The following LRRTM4 variants were observed in gnomAD, a reference collection of about 807,000 sequenced individuals.
LRRTM4 encodes the protein leucine-rich repeat transmembrane neuronal protein 4.
LRRTM4 carries 25 observed loss-of-function variants against 47.6 expected under a neutral mutation model. The observed-to-expected ratio is 0.53, with a 90% CI of 0.38 to 0.73. The LOEUF is 0.73. LRRTM4 is among the 30% of genes least tolerant of loss of function. LRRTM4 has a pLI of 0.00. For synonymous variants in LRRTM4, 311 were observed against 269.5 expected, an observed-to-expected ratio of 1.15 and a Z score of -1.51; for missense variants, 638 against 713.4, an observed-to-expected ratio of 0.89 and a Z score of 1.20.
At chr2:77,449,012 C>G (rs1210818340) in intron 3 of LRRTM4, among the ~76,000 whole-genome samples, 4 of 152,032 alleles carry the variant, frequency 2.6e-5, no homozygotes, top group East Asian at 1.9e-4. Flanking sequence ...CCTTTTGTGT[C>G]TATGTGACAT....
intron 3 of LRRTM4, among the ~76,000 whole-genome samples, chr2:77,386,047 A>G (rs1450193121): frequency 6.6e-6 from 1 of 152,016 alleles, no homozygotes; most frequent in South Asian, 2.1e-4. Context: ...ATGAGCCACC[A>G]TGCCCAGCCA....
intron 3 of LRRTM4, among the ~76,000 whole-genome samples, chr2:77,135,371 A>T (rs985137552): frequency 3.9e-5 from 6 of 152,208 alleles, no homozygotes; most frequent in South Asian, 2.1e-4. Context: ...TGTTTTCATC[A>T]TAACCAGGGT....
intron 3 of LRRTM4, among the ~76,000 whole-genome samples, chr2:76,761,922 C>T (rs181064599): frequency 8.2e-4 from 125 of 152,288 alleles, no homozygotes; most frequent in African/African-American, 2.7e-3. Context: ...TCCTCTGACA[C>T]TGGAAATAAT....
At chr2:77,350,569 G>A (rs1671729924) in intron 3 of LRRTM4, among the ~76,000 whole-genome samples, 1 of 151,892 alleles carries the variant, frequency 6.6e-6, no homozygotes, top group South Asian at 2.1e-4. Flanking sequence ...ATATATTTGA[G>A]TATAAAACTA....
intron 3 of LRRTM4, among the ~76,000 whole-genome samples, chr2:77,070,846 G>A (rs144959869): frequency 3.4e-4 from 51 of 152,122 alleles, no homozygotes; most frequent in African/African-American, 1.2e-3. Flanking sequence ...GGCCAGGCTG[G>A]TCTCGAACTC....
In LRRTM4 at chr2:77,354,995, C is replaced by CA. The variant is rs1311326456; in HGVS notation, c.1551+163322dup. 2.4e-4 allele frequency among the ~76,000 whole-genome samples: 37 copies of CA among 152,192 alleles called. 1 individual carries two copies. The highest frequency in any genetic ancestry group is 3.4e-3 in the Middle Eastern group (1 of 294). The stretch of plus-strand genomic sequence containing the variant: ...AATGAAAACAATTTATACAACTGCA[C>CA]AATCGCTCATCACTCTGTAAAATCC... On this transcript the variant is annotated intron_variant, in intron 3 of 3. Transcript: ENST00000409884.
At chr2:77,306,213 A>T (rs1677267163) in intron 3 of LRRTM4, among the ~76,000 whole-genome samples, 1 of 152,232 alleles carries the variant, frequency 6.6e-6, no homozygotes, top group South Asian at 2.1e-4. Flanking sequence ...GTATATTTTT[A>T]AAGGAATTTT....
intron 3 of LRRTM4, among the ~76,000 whole-genome samples, chr2:76,913,635 G>A (rs900297227): frequency 4.1e-5 from 6 of 146,722 alleles, no homozygotes; most frequent in African/African-American, 7.6e-5. Flanking sequence ...TGCCTCCAGG[G>A]ATAAAGTGAT....
At chr2:77,028,522 T>C (rs1337755403) in intron 3 of LRRTM4, among the ~76,000 whole-genome samples, 1 of 152,046 alleles carries the variant, frequency 6.6e-6, no homozygotes, top group Admixed American at 6.6e-5. Context: ...TGGGATGAGA[T>C]TGGAAGAGGA....
rs937438642 is a variant in LRRTM4 at position 76,983,874 on chromosome 2, C to T, written c.1552-234958G>A. 5.3e-5 allele frequency among the ~76,000 whole-genome samples: 8 copies of T among 151,986 alleles called. No homozygotes were observed. In the East Asian group the frequency reaches 7.7e-4, roughly 15 times the overall value. On this transcript the variant is annotated intron_variant, in intron 3 of 3. Transcript: ENST00000409884. ...TTTAGAGACAAACAGCTAATCAAAT[C>T]GGTGATACTGGGCCACAAGAAAGTT...
chr2:76,830,654 CTT>C (rs1446099542), intron 3 of LRRTM4, among the ~76,000 whole-genome samples: 1 of 151,570 alleles, frequency 6.6e-6, no homozygotes, highest in Non-Finnish European at 1.5e-5. Flanking sequence ...AAATTAAAGT[CTT>C]TGTCTCAAAA....
chr2:77,447,500 C>A (rs1676099468), intron 3 of LRRTM4, among the ~76,000 whole-genome samples: 2 of 152,106 alleles, frequency 1.3e-5, no homozygotes, highest in African/African-American at 4.8e-5. Flanking sequence ...ATTAGCCACA[C>A]CCATCCACAT....
chr2:77,096,509 A>G (rs1399962297), intron 3 of LRRTM4, among the ~76,000 whole-genome samples: 2 of 151,588 alleles, frequency 1.3e-5, no homozygotes, highest in Non-Finnish European at 3.0e-5. Context: ...TCAAAAGTAC[A>G]AAACAATAAT....
chr2:77,285,005 T>A (rs12471034), intron 3 of LRRTM4, among the ~76,000 whole-genome samples: 17,986 of 151,930 alleles, frequency 0.12, 2,164 homozygotes, highest in African/African-American at 0.3. Context: ...AGATGAAGAT[T>A]AGAGCAATAA....
At chr2:76,937,632 G>A (rs1023813005) in intron 3 of LRRTM4, among the ~76,000 whole-genome samples, 2 of 152,090 alleles carry the variant, frequency 1.3e-5, no homozygotes, top group Admixed American at 6.6e-5. Flanking sequence ...GCAGTGGTGC[G>A]ATCCCGACTC....
rs181575446 is a variant in LRRTM4, at chr2:77,403,454, G to A, written c.1551+114864C>T. ...TAGGTGCTTAATAGTTGAATAAAGA[G>A]GGAATGAATGAAAGATAAATGAGAA... On this transcript the variant is annotated intron_variant, in intron 3 of 3. Coordinates refer to ENST00000409884, the MANE Select transcript of LRRTM4 (RefSeq NM_001134745.3). 7.3e-5 allele frequency among the ~76,000 whole-genome samples: 11 copies of A among 151,594 alleles called. No individual in the cohort carries two copies. In the East Asian group the frequency reaches 2.1e-3, roughly 30 times the overall value.
At chr2:77,325,248 A>T (rs950369050) in intron 3 of LRRTM4, among the ~76,000 whole-genome samples, 1 of 152,140 alleles carries the variant, frequency 6.6e-6, no homozygotes, top group Non-Finnish European at 1.5e-5. Context: ...GGGAACAAAC[A>T]AACAAAAAAA....
intron 3 of LRRTM4, among the ~76,000 whole-genome samples, chr2:76,880,371 G>T (rs1178097857): frequency 1.3e-5 from 2 of 152,146 alleles, no homozygotes; most frequent in African/African-American, 4.8e-5. Flanking sequence ...CCAGCTAAAA[G>T]ATTATGAATC....
At chr2:77,407,358 CA>C (rs1558728577) in intron 3 of LRRTM4, among the ~76,000 whole-genome samples, 1 of 151,336 alleles carries the variant, frequency 6.6e-6, no homozygotes, top group Non-Finnish European at 1.5e-5. Context: ...AATATTACTG[CA>C]TTAAAATTTT....
Sources: allele counts gnomAD v4.1 joint callset (sites outside exome capture counted in the v4.1 genomes callset), GRCh38; gene constraint gnomAD v4.1.1; transcripts MANE v1.5; gene names NCBI Gene and HGNC (gene_info 2026-07-23, HGNC 2026-07-21).